RNASEH1: variants seen among roughly 807,000 people sequenced by gnomAD.
The protein encoded by RNASEH1 is ribonuclease H1.
RNASEH1 carries 27 observed loss-of-function variants against 34.6 expected under a neutral mutation model. The observed-to-expected ratio is 0.78, with a 90% CI of 0.58 to 1.08. The LOEUF (loss-of-function observed/expected upper bound fraction) is 1.08, where lower values mean the gene tolerates loss of function less well. Among genes scored for constraint, RNASEH1 ranks in the 50% least tolerant of loss-of-function variants. The pLI is 0.00. For missense variants in RNASEH1, 349 were observed against 373.6 expected (o/e 0.93, Z 0.54); for synonymous variants, 162 against 138.4 (o/e 1.17, Z -1.20).
intron 1 of RNASEH1, 158 bp downstream of exon 1, chr2:3,557,975 G>T: frequency 6.7e-7 from 1 of 1,494,122 alleles, no homozygotes; most frequent in Non-Finnish European, 8.9e-7. Flanking sequence ...GAACCCCGCC[G>T]GCCGAGCAGG....
intron 7 of RNASEH1, among the ~76,000 whole-genome samples, chr2:3,546,941 G>T (rs1328837889): frequency 1.3e-5 from 2 of 152,142 alleles, no homozygotes; most frequent in East Asian, 3.9e-4. Flanking sequence ...TGGGTAACAT[G>T]ACAAAACTCC....
chr2:3,540,655 C>T (rs1668243837), downstream of RNASEH1, among the ~76,000 whole-genome samples: 1 of 152,236 alleles, frequency 6.6e-6, no homozygotes, highest in Non-Finnish European at 1.5e-5. Context: ...GATCCACTTG[C>T]TTCAGCTTCC....
the RNASEH1 span, chr2:3,534,197 T>G: frequency 6.6e-6 from 1 of 152,288 alleles, no homozygotes; most frequent in Non-Finnish European, 1.5e-5. Flanking sequence ...TCTGCCCTGC[T>G]CACTCTCTGG....
the RNASEH1 span, chr2:3,532,291 A>C: frequency 1.4e-6 from 1 of 702,356 alleles, no homozygotes; most frequent in Non-Finnish European, 2.6e-6. Flanking sequence ...GAAACAGTAG[A>C]TCAGCAGTTT....
Position 3,558,116 on chromosome 2 carries a change from G to A in RNASEH1, c.128+17C>T, listed in dbSNP as rs1467419415. The A allele has an allele frequency of 6.3e-7, 1 of 1,579,158 alleles. No individual in the cohort carries two copies. Among genetic ancestry groups the A allele is most frequent in the Non-Finnish European group, 8.6e-7 (1 of 1,165,904 alleles). Reference sequence around the variant, plus strand: ...CCGATGCCGGCAGGGAGGCGCCTCGGCGGGCGGGCCACTCACCAGGTCAGA... The same window carrying A: ...CCGATGCCGGCAGGGAGGCGCCTCGACGGGCGGGCCACTCACCAGGTCAGA... On this transcript the variant is annotated intron_variant, in intron 1 of 7. Coordinates refer to ENST00000315212, the MANE Select transcript of RNASEH1 (RefSeq NM_002936.6).
rs1668910308 is a variant in RNASEH1, at chr2:3,547,920, A to G, written c.774+11T>C. ...TAATGGCCATAGGACATGAACATTT[A>G]AGATACTCACCCACTGAATGTCCAT... is the stretch of plus-strand genomic sequence containing the variant. On this transcript the variant is annotated intron_variant, in intron 7 of 7. Coordinates refer to ENST00000315212, the MANE Select transcript of RNASEH1 (RefSeq NM_002936.6). The G allele has an allele frequency of 6.2e-7, 1 of 1,613,494 alleles. No homozygotes were observed. Among genetic ancestry groups the G allele is most frequent in the Non-Finnish European group, 8.5e-7 (1 of 1,179,552 alleles).
intron 2 of RNASEH1, among the ~76,000 whole-genome samples, chr2:3,556,030 C>T (rs1437139694): frequency 2.0e-5 from 3 of 151,944 alleles, no homozygotes; most frequent in Non-Finnish European, 4.4e-5. Context: ...AAAAATTAGC[C>T]GGGCGTGGTG....
Position 3,541,890 on chromosome 2 carries a change from C to T in RNASEH1, c.*3895G>A, listed in dbSNP as rs184229314. Reference sequence around the variant, plus strand: ...AGGTGGGGCCGGCTTTGGTGGCTCACACCTGTAATCCCAGCACTTTGGGAG... The same window carrying T: ...AGGTGGGGCCGGCTTTGGTGGCTCATACCTGTAATCCCAGCACTTTGGGAG... On this transcript the variant is annotated 3_prime_UTR_variant, in exon 8 of 8. Transcript: ENST00000315212. Among the ~76,000 whole-genome samples, 1 of 152,294 alleles carries T rather than the reference C, an allele frequency of 6.6e-6. No individual in the cohort carries two copies. Among genetic ancestry groups the T allele is most frequent in the East Asian group, 1.9e-4 (1 of 5,188 alleles).
Position 3,558,266 on chromosome 2 carries a change from A to G in RNASEH1, c.-6T>C, listed in dbSNP as rs1660753856. ...AGGAACAGAAGCCAGCTCATCGCTC[A>G]CTCCCGGCACCGGGAAGCATTTCGA... On this transcript the variant is annotated 5_prime_UTR_variant, in exon 1 of 8. Coordinates refer to ENST00000315212, the MANE Select transcript of RNASEH1 (RefSeq NM_002936.6). The G allele has an allele frequency of 6.4e-7, 1 of 1,563,224 alleles. No homozygotes were observed. The highest frequency in any genetic ancestry group is 2.4e-5 in the East Asian group (1 of 42,136).
downstream of RNASEH1, among the ~76,000 whole-genome samples, chr2:3,540,852 G>A (rs909849779): frequency 6.6e-6 from 1 of 151,608 alleles, no homozygotes; most frequent in Non-Finnish European, 1.5e-5. Context: ...CATGCTTTTT[G>A]AATCTTCTCA....
At chr2:3,552,113 A>G (rs760173854) in intron 3 of RNASEH1, 31 bp downstream of exon 3, 5 of 1,581,582 alleles carry the variant, frequency 3.2e-6, no homozygotes, top group Non-Finnish European at 4.3e-6. Flanking sequence ...TGACTGTGGT[A>G]TTAAAATCTG....
the RNASEH1 span, chr2:3,532,357 G>A: frequency 1.4e-6 from 1 of 702,306 alleles, no homozygotes; most frequent in Non-Finnish European, 2.6e-6. Context: ...GTTCACAGGT[G>A]CCAGCCAGAG....
At position 3,543,707 on chromosome 2, in the gene RNASEH1, C is replaced by T. The variant is rs1295345535; in HGVS notation, c.*2078G>A. Among the ~76,000 whole-genome samples the T allele has an allele frequency of 1.3e-5, 2 of 152,046 alleles. No homozygotes were observed. Among genetic ancestry groups the T allele is most frequent in the African/African-American group, 2.4e-5 (1 of 41,394 alleles). On this transcript the variant is annotated 3_prime_UTR_variant, in exon 8 of 8. Transcript: ENST00000315212. Reference sequence around the variant, plus strand: ...GCTCACGCATCCTCGACCTCCTGGGCCCAAGCGATCCTCCCATCTCAGCCT... The same window carrying T: ...GCTCACGCATCCTCGACCTCCTGGGTCCAAGCGATCCTCCCATCTCAGCCT...
chr2:3,556,609 T>C (rs923939943), intron 2 of RNASEH1, among the ~76,000 whole-genome samples, 180 bp downstream of exon 2: 3 of 152,236 alleles, frequency 2.0e-5, no homozygotes, highest in East Asian at 1.9e-4. Context: ...TCCCTAATAC[T>C]GTAAGTAATA....
At chr2:3,550,680 A>G (rs1223493986) in intron 3 of RNASEH1, among the ~76,000 whole-genome samples, 1 of 152,228 alleles carries the variant, frequency 6.6e-6, no homozygotes, top group Non-Finnish European at 1.5e-5. Context: ...TTGATCTTGC[A>G]GGCCAGGCAA....
intron 4 of RNASEH1, among the ~76,000 whole-genome samples, chr2:3,549,930 A>C (rs1302273901): frequency 6.8e-6 from 1 of 146,748 alleles, no homozygotes; most frequent in Non-Finnish European, 1.5e-5. Flanking sequence ...TGGGCGATAG[A>C]GTGAGACTCC....
At chr2:3,549,804 G>C (rs1669105601) in intron 4 of RNASEH1, among the ~76,000 whole-genome samples, 1 of 152,024 alleles carries the variant, frequency 6.6e-6, no homozygotes, top group Non-Finnish European at 1.5e-5. Context: ...AAATTAGCTG[G>C]GCCTGGTGGC....
At position 3,541,784 on chromosome 2, in the gene RNASEH1, C is replaced by A. The variant is rs1668326867; in HGVS notation, c.*4001G>T. ...TGGACATGTTCTGGCGACAGCTTCA[C>A]AGGCAAATGCATCGGTCACTTCACG... On this transcript the variant is annotated 3_prime_UTR_variant, in exon 8 of 8. Coordinates refer to ENST00000315212, the MANE Select transcript of RNASEH1 (RefSeq NM_002936.6). 6.6e-6 allele frequency among the ~76,000 whole-genome samples: 1 copy of A among 152,220 alleles called. No homozygotes were observed. The highest frequency in any genetic ancestry group is 1.5e-5 in the Non-Finnish European group (1 of 68,040).
In RNASEH1 at chr2:3,550,358, C is replaced by T. The variant is rs776365571; in HGVS notation, c.509+15G>A. 1.3e-6 allele frequency: 2 copies of T among 1,594,044 alleles called. No individual in the cohort carries two copies. The highest frequency in any genetic ancestry group is 1.1e-5 in the South Asian group (1 of 90,724). On this transcript the variant is annotated intron_variant, in intron 4 of 7. Coordinates refer to ENST00000315212, the MANE Select transcript of RNASEH1 (RefSeq NM_002936.6). ...TGGAACATGATTCAGTAAAACTCAGCTTCGTTTAACTTACAAAGGATGGCC... is the reference window on the plus strand; with the variant it reads ...TGGAACATGATTCAGTAAAACTCAGTTTCGTTTAACTTACAAAGGATGGCC...
Sources: gnomAD v4.1 joint callset for allele counts (sites outside exome capture counted in the v4.1 genomes callset) on GRCh38, gnomAD v4.1.1 for gene constraint, MANE v1.5 for transcripts, NCBI Gene and HGNC (gene_info 2026-07-23, HGNC 2026-07-21) for gene names.